The following PTPRN2 variants were observed in gnomAD, a reference collection of about 807,000 sequenced individuals.
PTPRN2 encodes the protein receptor-type tyrosine-protein phosphatase N2.
Under a neutral mutation model 118.8 loss-of-function variants are expected in PTPRN2, and 74 were observed. That is an observed-to-expected ratio of 0.62 (90% CI 0.52 to 0.76). PTPRN2 has a LOEUF of 0.76. Ranked by LOEUF, PTPRN2 falls within the 30% of genes least tolerant of loss-of-function variation. PTPRN2 has a pLI of 0.00. For missense variants in PTPRN2, 1,481 were observed against 1,394.4 expected (o/e 1.06, Z -0.99); for synonymous variants, 641 against 608.0 (o/e 1.05, Z -0.80).
chr7:158,345,187 A>C (rs1442040556), intron 2 of PTPRN2, among the ~76,000 whole-genome samples: 1 of 152,146 alleles, frequency 6.6e-6, no homozygotes, highest in Non-Finnish European at 1.5e-5. Context: ...GATGGCATAA[A>C]CACCCCTCCC....
chr7:158,089,640 CTT>C, intron 10 of PTPRN2, among the ~76,000 whole-genome samples: 2 of 127,068 alleles, frequency 1.6e-5, no homozygotes, highest in African/African-American at 2.9e-5. Flanking sequence ...CACAAACCTT[CTT>C]CCCCTGATGA....
chr7:158,127,777 G>A lies in PTPRN2; in HGVS notation c.1556+5900C>T, dbSNP rs902510600. On this transcript the variant is annotated intron_variant, in intron 9 of 22. Coordinates refer to ENST00000389418, the MANE Select transcript of PTPRN2 (RefSeq NM_002847.5). Reference sequence around the variant, plus strand: ...AAGGCAGGTTCCTCTTTGCTGAGAGGTAAGGGGCTCCCTCCTCCCTATACC... The same window carrying A: ...AAGGCAGGTTCCTCTTTGCTGAGAGATAAGGGGCTCCCTCCTCCCTATACC... 3.7e-4 allele frequency among the ~76,000 whole-genome samples: 57 copies of A among 152,178 alleles called. 1 individual carries two copies. Among genetic ancestry groups the A allele is most frequent in the Admixed American group, 3.7e-3 (57 of 15,276 alleles).
chr7:158,501,340 C>T (rs1264246516), intron 1 of PTPRN2, among the ~76,000 whole-genome samples: 1 of 152,210 alleles, frequency 6.6e-6, no homozygotes, highest in African/African-American at 2.4e-5. Flanking sequence ...GGTCTCAGAG[C>T]CTCTGTACCC....
chr7:158,366,095 AG>A (rs1809477976), intron 2 of PTPRN2, among the ~76,000 whole-genome samples: 1 of 135,884 alleles, frequency 7.4e-6, no homozygotes, highest in Admixed American at 7.5e-5. Flanking sequence ...ACACACACAC[AG>A]CATCCCTAGA....
Position 157,873,855 on chromosome 7 carries a change from C to T in PTPRN2, c.1788+24818G>A, listed in dbSNP as rs115376185. 4.3e-3 allele frequency among the ~76,000 whole-genome samples: 661 copies of T among 152,132 alleles called. 3 individuals are homozygous for T. Among genetic ancestry groups the T allele is most frequent in the African/African-American group, 0.014 (582 of 41,518 alleles). On this transcript the variant is annotated intron_variant, in intron 12 of 22. Coordinates refer to ENST00000389418, the MANE Select transcript of PTPRN2 (RefSeq NM_002847.5). ...CTGGGAGAGAAGAGGAGGTGGAAAG[C>T]GGAGGAGGAGGGATGGACGACCAGC...
rs1444954633 is a variant in PTPRN2, at chr7:157,764,255, T to C, written c.1789-81318A>G. ...ATATGCCCAAAAGCACCGAATGCAGTGACTCAGAGAGAGATTCGCACGCCC... is the reference window on the plus strand; with the variant it reads ...ATATGCCCAAAAGCACCGAATGCAGCGACTCAGAGAGAGATTCGCACGCCC... On this transcript the variant is annotated intron_variant, in intron 12 of 22. Coordinates refer to ENST00000389418, the MANE Select transcript of PTPRN2 (RefSeq NM_002847.5). This position sits in a 1 kb window ranked among gnomAD's most constrained non-coding sequence, Gnocchi z 4.5. Among the ~76,000 whole-genome samples the C allele has an allele frequency of 6.6e-6, 1 of 152,114 alleles. No homozygotes were observed. The highest frequency in any genetic ancestry group is 1.5e-5 in the Non-Finnish European group (1 of 68,022).
chr7:158,232,094 A>G (rs1273090141), intron 3 of PTPRN2, among the ~76,000 whole-genome samples: 1 of 152,142 alleles, frequency 6.6e-6, no homozygotes, highest in Non-Finnish European at 1.5e-5. Flanking sequence ...AAATGAGTAG[A>G]AGGAAAGAAA....
At chr7:158,398,035 G>A (rs1350790608) in intron 2 of PTPRN2, among the ~76,000 whole-genome samples, 1 of 152,160 alleles carries the variant, frequency 6.6e-6, no homozygotes, top group Non-Finnish European at 1.5e-5. Flanking sequence ...CTGAGGCTGG[G>A]AAAATTTGCA....
chr7:157,664,481 C>T (rs544827554), intron 13 of PTPRN2, among the ~76,000 whole-genome samples: 17 of 152,320 alleles, frequency 1.1e-4, no homozygotes, highest in South Asian at 2.1e-4. Context: ...AAATACAGAA[C>T]GGTAGTCGGG....
chr7:158,056,225 C>T (rs1033773874), intron 11 of PTPRN2, among the ~76,000 whole-genome samples: 7 of 152,192 alleles, frequency 4.6e-5, no homozygotes, highest in African/African-American at 1.7e-4. Context: ...GAGTGTTACC[C>T]TGCCCCAGAC....
intron 9 of PTPRN2, among the ~76,000 whole-genome samples, chr7:158,131,039 CACACGT>C (rs1335611428): frequency 1.7e-5 from 2 of 120,144 alleles, no homozygotes; most frequent in Non-Finnish European, 3.4e-5. Context: ...CACTTATACA[CACACGT>C]ACATACAGAC....
intron 10 of PTPRN2, among the ~76,000 whole-genome samples, chr7:158,101,937 C>T (rs762090315): frequency 9.2e-5 from 14 of 152,280 alleles, no homozygotes; most frequent in African/African-American, 2.9e-4. Flanking sequence ...CCATCTCTGC[C>T]CGTCACTACG....
chr7:158,311,628 G>A (rs113264780), intron 3 of PTPRN2, among the ~76,000 whole-genome samples: 7 of 152,190 alleles, frequency 4.6e-5, no homozygotes, highest in South Asian at 2.1e-4. Flanking sequence ...CCTCCTCTTC[G>A]TGCAGAAGAC....
At chr7:158,278,500 C>T (rs956938720) in intron 3 of PTPRN2, among the ~76,000 whole-genome samples, 6 of 152,142 alleles carry the variant, frequency 3.9e-5, no homozygotes, top group African/African-American at 1.2e-4. Context: ...GAGCTGAGAT[C>T]GCACCATTTG....
In PTPRN2 at chr7:157,656,559, A is replaced by G. The variant is rs766142959; in HGVS notation, c.2002-8T>C. The G allele has an allele frequency of 2.2e-5, 34 of 1,531,866 alleles. No homozygotes were observed. The highest frequency in any genetic ancestry group is 2.8e-5 in the Non-Finnish European group (32 of 1,142,948). The allele number at this position is 1,531,866 out of a possible 1,614,324, so 94.9% of individuals were successfully genotyped here. On this transcript the variant is annotated splice_region_variant and splice_polypyrimidine_tract_variant and intron_variant, in intron 13 of 22. Transcript: ENST00000389418. The stretch of plus-strand genomic sequence containing the variant: ...ACGCTGGCGGCACAGCTCCTGCAGG[A>G]CAGGGGGAGGAAGAGCAGGGGGTTA...
chr7:158,205,495 A>G (rs1266257417), intron 3 of PTPRN2, among the ~76,000 whole-genome samples: 4 of 152,190 alleles, frequency 2.6e-5, no homozygotes, highest in African/African-American at 4.8e-5. Context: ...CATTAATAGT[A>G]ATAAAAAGGC....
intron 12 of PTPRN2, among the ~76,000 whole-genome samples, chr7:157,806,678 C>G (rs1805656486): frequency 6.6e-6 from 1 of 152,206 alleles, no homozygotes; most frequent in African/African-American, 2.4e-5. Flanking sequence ...TGCATTCTTA[C>G]TGGCAGGATT....
At chr7:158,063,220 T>C (rs1212839567) in intron 11 of PTPRN2, among the ~76,000 whole-genome samples, 5 of 151,568 alleles carry the variant, frequency 3.3e-5, no homozygotes, top group Non-Finnish European at 7.4e-5. Context: ...TGGAGAACAT[T>C]TATGTCTAGC....
At chr7:157,552,331 G>A (rs1798672699) in intron 21 of PTPRN2, among the ~76,000 whole-genome samples, 1 of 152,198 alleles carries the variant, frequency 6.6e-6, no homozygotes, top group Non-Finnish European at 1.5e-5. Context: ...AGGGAAACCT[G>A]CCCTCTCATT....
Sources: allele counts gnomAD v4.1 joint callset (sites outside exome capture counted in the v4.1 genomes callset), GRCh38; gene constraint gnomAD v4.1.1; non-coding constraint Gnocchi (gnomAD v3.1); transcripts MANE v1.5; gene names NCBI Gene and HGNC (gene_info 2026-07-23, HGNC 2026-07-21).